Variants in MAML2 observed in about 807,000 individuals in gnomAD.
MAML2 encodes mastermind like transcriptional coactivator 2.
A neutral mutation model predicts 96.1 loss-of-function variants in MAML2; 22 were observed. The observed-to-expected ratio is 0.23, with a 90% CI of 0.16 to 0.33. The LOEUF is 0.33. Ranked by LOEUF, MAML2 falls within the 10% of genes least tolerant of loss-of-function variation. MAML2 has a pLI of 1.00. For synonymous variants in MAML2, 561 were observed against 521.3 expected (o/e 1.08, Z -1.04); for missense variants, 1,367 against 1,392.4 (o/e 0.98, Z 0.29).
chr11:96,093,160 T>C lies in MAML2; in HGVS notation c.871A>G (p.Asn291Asp). The change falls in exon 2 of 5, where the codon AAT (asparagine) becomes GAT (aspartate). Residue 291 changes from asparagine (N) to aspartate (D), a missense_variant. Coordinates refer to ENST00000524717, the MANE Select transcript of MAML2 (RefSeq NM_032427.4). Reference protein sequence around the residue: ...GQMTQENIFPNRYGDDPGEQL... With the variant: ...GQMTQENIFPDRYGDDPGEQL... The stretch of plus-strand genomic sequence containing the variant: ...TCTCCAGGGTCGTCTCCGTACCTAT[T>C]AGGAAAAATATTCTCTTGGGTCATT... The C allele has an allele frequency of 6.2e-7, 1 of 1,614,002 alleles. No individual in the cohort carries two copies. The highest frequency in any genetic ancestry group is 8.5e-7 in the Non-Finnish European group (1 of 1,179,890).
chr11:96,336,414 TG>T (rs1307382205), intron 1 of MAML2, among the ~76,000 whole-genome samples: 6 of 152,256 alleles, frequency 3.9e-5, no homozygotes, highest in African/African-American at 1.4e-4. Flanking sequence ...GAAGTGGTTT[TG>T]CATACCATTA....
intron 2 of MAML2, among the ~76,000 whole-genome samples, chr11:95,997,501 A>C (rs976696616): frequency 2.6e-5 from 4 of 152,178 alleles, no homozygotes; most frequent in Non-Finnish European, 5.9e-5. Context: ...AGAATTATTA[A>C]GTTCACTGCA....
intron 2 of MAML2, among the ~76,000 whole-genome samples, chr11:95,995,701 C>A (rs1220569580): frequency 6.6e-6 from 1 of 152,148 alleles, no homozygotes; most frequent in African/African-American, 2.4e-5. Context: ...GTTTGGCCCC[C>A]ATCATGTTTG....
intron 2 of MAML2, among the ~76,000 whole-genome samples, chr11:96,024,525 T>G (rs1340152756): frequency 6.6e-6 from 1 of 152,258 alleles, no homozygotes; most frequent in Non-Finnish European, 1.5e-5. Flanking sequence ...AGACATGCAC[T>G]CATGTTGCTA....
chr11:96,010,776 G>T lies in MAML2; in HGVS notation c.2140-19053C>A, dbSNP rs16922874. Among the ~76,000 whole-genome samples, 1,054 of 152,196 alleles carry T rather than the reference G, an allele frequency of 6.9e-3. 12 individuals are homozygous for T. The highest frequency in any genetic ancestry group is 0.021 in the African/African-American group (858 of 41,530). On this transcript the variant is annotated intron_variant, in intron 2 of 4. Transcript: ENST00000524717. ...AGACAGAGAAATATTTTTGCCTGGG[G>T]ATAGTAAGCATAATCTGAGAATATC...
chr11:96,189,083 A>G (rs1423402016), intron 1 of MAML2, among the ~76,000 whole-genome samples: 6 of 147,732 alleles, frequency 4.1e-5, no homozygotes, highest in Non-Finnish European at 6.0e-5. Context: ...TTTTTTTTCT[A>G]TATCTGGTTC....
At chr11:96,038,772 G>A (rs1858758843) in intron 2 of MAML2, among the ~76,000 whole-genome samples, 1 of 152,026 alleles carries the variant, frequency 6.6e-6, no homozygotes, top group Non-Finnish European at 1.5e-5. Flanking sequence ...TTTTTTCAAA[G>A]TACCCAAAAT....
At chr11:96,004,128 A>T (rs775337190) in intron 2 of MAML2, among the ~76,000 whole-genome samples, 3 of 152,214 alleles carry the variant, frequency 2.0e-5, no homozygotes, top group African/African-American at 4.8e-5. Flanking sequence ...AAGGATATAC[A>T]TTAGAAACTA....
chr11:96,023,558 G>A (rs973647974), intron 2 of MAML2, among the ~76,000 whole-genome samples: 1 of 152,148 alleles, frequency 6.6e-6, no homozygotes, highest in African/African-American at 2.4e-5. Context: ...TTCATGTTGT[G>A]GAGTGCAGCA....
intron 1 of MAML2, among the ~76,000 whole-genome samples, chr11:96,240,848 A>G (rs745543135): frequency 6.6e-6 from 1 of 152,180 alleles, no homozygotes; most frequent in Non-Finnish European, 1.5e-5. Context: ...AGAAGCATAT[A>G]CTATATACAC....
chr11:96,021,184 C>G (rs1162461553), intron 2 of MAML2, among the ~76,000 whole-genome samples: 1 of 152,160 alleles, frequency 6.6e-6, no homozygotes, highest in African/African-American at 2.4e-5. Flanking sequence ...TGTTGAAGCT[C>G]TTGTCACACT....
At chr11:96,295,836 C>G (rs923771031) in intron 1 of MAML2, among the ~76,000 whole-genome samples, 1 of 151,306 alleles carries the variant, frequency 6.6e-6, no homozygotes, top group Middle Eastern at 3.2e-3. Flanking sequence ...ATCATTCATC[C>G]ACAACCTTCT....
chr11:96,099,800 G>A (rs1859894092), intron 1 of MAML2, among the ~76,000 whole-genome samples: 1 of 151,766 alleles, frequency 6.6e-6, no homozygotes, highest in Non-Finnish European at 1.5e-5. Context: ...CTTTTTTAAA[G>A]ACATTTTTAT....
intron 1 of MAML2, among the ~76,000 whole-genome samples, chr11:96,240,212 T>G (rs1364389248): frequency 6.6e-6 from 1 of 152,206 alleles, no homozygotes; most frequent in Non-Finnish European, 1.5e-5. Context: ...GTGATTATTC[T>G]TTCTCCAGGT....
intron 2 of MAML2, among the ~76,000 whole-genome samples, chr11:96,033,196 A>G (rs186197201): frequency 6.6e-6 from 1 of 152,312 alleles, no homozygotes; most frequent in African/African-American, 2.4e-5. Flanking sequence ...CAGTTCCCTC[A>G]AATTCCTTTT....
At chr11:96,210,631 G>C (rs570888659) in intron 1 of MAML2, among the ~76,000 whole-genome samples, 1 of 152,240 alleles carries the variant, frequency 6.6e-6, no homozygotes, top group African/African-American at 2.4e-5. Context: ...TGGAAAACAG[G>C]AGTAACAAGA....
intron 1 of MAML2, among the ~76,000 whole-genome samples, chr11:96,250,252 A>C (rs1487722677): frequency 6.8e-6 from 1 of 147,350 alleles, no homozygotes; most frequent in African/African-American, 2.5e-5. Context: ...AAAATTTAAA[A>C]ATTTTTTATT....
intron 1 of MAML2, among the ~76,000 whole-genome samples, chr11:96,118,906 T>TA (rs1860290226): frequency 6.6e-6 from 1 of 152,222 alleles, no homozygotes; most frequent in African/African-American, 2.4e-5. Context: ...CTTTAACCTT[T>TA]ACTCTTAGTA....
intron 2 of MAML2, among the ~76,000 whole-genome samples, chr11:96,016,884 T>C (rs1858361808): frequency 6.6e-6 from 1 of 152,208 alleles, no homozygotes; most frequent in Non-Finnish European, 1.5e-5. Context: ...AAGATTTGTT[T>C]AAATGGCTCA....
Sources: gnomAD v4.1 joint callset for allele counts (sites outside exome capture counted in the v4.1 genomes callset) on GRCh38, gnomAD v4.1.1 for gene constraint, MANE v1.5 for transcripts, NCBI Gene and HGNC (gene_info 2026-07-23, HGNC 2026-07-21) for gene names.